Variants in LRFN2 observed in about 807,000 individuals in gnomAD.
The protein encoded by LRFN2 is leucine-rich repeat and fibronectin type-III domain-containing protein 2.
In LRFN2, 18 loss-of-function variants were observed where a neutral mutation model predicts 37.3. The observed-to-expected ratio is 0.48, with a 90% CI of 0.33 to 0.72. The LOEUF (loss-of-function observed/expected upper bound fraction) is 0.72, where lower values mean the gene tolerates loss of function less well. Ranked by LOEUF, LRFN2 falls within the 30% of genes least tolerant of loss-of-function variation. The pLI is 0.02. For missense variants in LRFN2, 1,006 were observed against 1,060.7 expected, an observed-to-expected ratio of 0.95 and a Z score of 0.72; for synonymous variants, 556 against 466.6, an observed-to-expected ratio of 1.19 and a Z score of -2.47.
chr6:40,475,424 G>A (rs1166434180), intron 1 of LRFN2, among the ~76,000 whole-genome samples: 1 of 152,156 alleles, frequency 6.6e-6, no homozygotes, highest in Non-Finnish European at 1.5e-5. Context: ...GTGTGCAGGC[G>A]AGGAAGGTGT....
At chr6:40,482,993 C>T (rs371612716) in intron 1 of LRFN2, among the ~76,000 whole-genome samples, 69 of 152,240 alleles carry the variant, frequency 4.5e-4, no homozygotes, top group African/African-American at 1.5e-3. Flanking sequence ...GGCCTCTCCC[C>T]GTTCTTGGAA....
intron 1 of LRFN2, among the ~76,000 whole-genome samples, chr6:40,472,738 C>A (rs1421640946): frequency 6.6e-6 from 1 of 152,206 alleles, no homozygotes; most frequent in African/African-American, 2.4e-5. Flanking sequence ...GATACCCTTT[C>A]TCCCCAGGCC....
At chr6:40,463,668 C>CTTTTTTTTT (rs1470775834) in intron 1 of LRFN2, among the ~76,000 whole-genome samples, 1 of 91,288 alleles carries the variant, frequency 1.1e-5, no homozygotes. Context: ...TTCTTTCTTT[C>CTTTTTTTTT]TATTTTTTTT....
intron 2 of LRFN2, among the ~76,000 whole-genome samples, chr6:40,411,701 C>T (rs1427287820): frequency 6.6e-6 from 1 of 152,032 alleles, no homozygotes; most frequent in African/African-American, 2.4e-5. Flanking sequence ...CAGTCCAGCT[C>T]CCCTTCAAGT....
rs1218637611 is a variant in LRFN2, at chr6:40,432,691, A to T, written c.423T>A (p.Asp141Glu). ...VNNNQLGGIA[D>E]EAFEDFLLTL... is the part of the protein sequence containing the mutation. ...TCAGCAGGAAGTCCTCAAAAGCCTC[A>T]TCTGCGATGCCGCCCAGCTGGTTGT... The change falls in exon 2 of 3, where the codon GAT becomes GAA. Residue 141 changes from aspartate to glutamate, a missense_variant. Asp to Glu is a conservative substitution (Grantham distance 45). Transcript: ENST00000338305. 2 of 1,614,060 alleles carry T rather than the reference A, an allele frequency of 1.2e-6. No homozygotes were observed. Among genetic ancestry groups the T allele is most frequent in the Non-Finnish European group, 8.5e-7 (1 of 1,180,050 alleles).
intron 1 of LRFN2, among the ~76,000 whole-genome samples, chr6:40,447,826 A>G (rs1283693529): frequency 6.6e-6 from 1 of 152,168 alleles, no homozygotes; most frequent in African/African-American, 2.4e-5. Context: ...CCCCTCATCC[A>G]TCTGGGCTCT....
chr6:40,496,958 T>C (rs1415769995), intron 1 of LRFN2, among the ~76,000 whole-genome samples: 1 of 152,112 alleles, frequency 6.6e-6, no homozygotes, highest in African/African-American at 2.4e-5. Flanking sequence ...TCCCTATCTA[T>C]AATGTAAGGG....
chr6:40,405,025 G>A (rs1762812801), intron 2 of LRFN2, among the ~76,000 whole-genome samples: 1 of 152,184 alleles, frequency 6.6e-6, no homozygotes, highest in South Asian at 2.1e-4. Context: ...AAGCTGCCTT[G>A]CCTTCCCCAC....
intron 1 of LRFN2, among the ~76,000 whole-genome samples, chr6:40,546,492 C>T (rs62394571): frequency 0.016 from 2,378 of 152,252 alleles, 30 homozygotes; most frequent in Non-Finnish European, 0.025. Flanking sequence ...TAAACTACCT[C>T]CTGGCCAACA....
intron 1 of LRFN2, among the ~76,000 whole-genome samples, chr6:40,490,083 G>A (rs1172850936): frequency 1.3e-5 from 2 of 152,276 alleles, no homozygotes; most frequent in South Asian, 4.2e-4. Context: ...GGGAAGAAGG[G>A]CCCAGCACCT....
intron 2 of LRFN2, among the ~76,000 whole-genome samples, chr6:40,426,963 T>A (rs1184611301): frequency 6.6e-6 from 1 of 152,004 alleles, no homozygotes; most frequent in East Asian, 1.9e-4. Context: ...ATGACAGGGG[T>A]CTCTCACCAG....
intron 1 of LRFN2, among the ~76,000 whole-genome samples, chr6:40,433,374 T>C (rs1231949004): frequency 6.6e-6 from 1 of 152,248 alleles, no homozygotes; most frequent in Non-Finnish European, 1.5e-5. Context: ...ATTTATTGTT[T>C]CCTGTTTCAG....
chr6:40,508,965 A>G (rs1765618092), intron 1 of LRFN2, among the ~76,000 whole-genome samples: 1 of 152,174 alleles, frequency 6.6e-6, no homozygotes, highest in South Asian at 2.1e-4. Context: ...CTTCTATTCC[A>G]GGACTTTGAA....
At chr6:40,540,352 G>A (rs999640623) in intron 1 of LRFN2, among the ~76,000 whole-genome samples, 1 of 152,158 alleles carries the variant, frequency 6.6e-6, no homozygotes, top group South Asian at 2.1e-4. Flanking sequence ...TCTGTAAAAT[G>A]AGTATGTTGA....
chr6:40,484,367 G>C (rs1288644828), intron 1 of LRFN2, among the ~76,000 whole-genome samples: 2 of 152,150 alleles, frequency 1.3e-5, no homozygotes, highest in African/African-American at 4.8e-5. Flanking sequence ...AAGGAGCAAG[G>C]ACTCCCCAAT....
chr6:40,452,443 A>AGG (rs1462748133), intron 1 of LRFN2, among the ~76,000 whole-genome samples: 1 of 152,198 alleles, frequency 6.6e-6, no homozygotes, highest in Non-Finnish European at 1.5e-5. Flanking sequence ...GTCTCCAGTC[A>AGG]GTGTTAGAAT....
chr6:40,498,339 G>A (rs910655935), intron 1 of LRFN2, among the ~76,000 whole-genome samples: 2 of 152,096 alleles, frequency 1.3e-5, no homozygotes, highest in Non-Finnish European at 2.9e-5. Flanking sequence ...CATGGCTGAA[G>A]GGGTCTACAA....
intron 1 of LRFN2, among the ~76,000 whole-genome samples, chr6:40,583,202 A>ATATATACACTATATACGTATATAG (rs61063165): frequency 6.9e-6 from 1 of 144,722 alleles, no homozygotes; most frequent in African/African-American, 2.7e-5. Flanking sequence ...ATATATAGAC[A>ATATATACACTATATACGTATATAG]TATATATACA....
At chr6:40,542,916 A>C (rs2196100) in intron 1 of LRFN2, among the ~76,000 whole-genome samples, 5 of 152,154 alleles carry the variant, frequency 3.3e-5, no homozygotes, top group African/African-American at 1.2e-4. Context: ...AGGGCATCTA[A>C]TGCCAAAGCA....
Sources: gnomAD v4.1 joint callset for allele counts (sites outside exome capture counted in the v4.1 genomes callset) on GRCh38, gnomAD v4.1.1 for gene constraint, MANE v1.5 for transcripts, NCBI Gene and HGNC (gene_info 2026-07-23, HGNC 2026-07-21) for gene names.